The following SSH1 variants were observed in gnomAD, a reference collection of about 807,000 sequenced individuals.
SSH1 encodes slingshot protein phosphatase 1, also known as protein phosphatase Slingshot homolog 1.
SSH1 carries 43 observed loss-of-function variants against 79.7 expected under a neutral mutation model. The observed-to-expected ratio is 0.54, with a 90% confidence interval of 0.42 to 0.70. The LOEUF (loss-of-function observed/expected upper bound fraction) is 0.70, where lower values mean the gene tolerates loss of function less well. Among genes scored for constraint, SSH1 ranks in the 30% least tolerant of loss-of-function variants. The probability of loss-of-function intolerance (pLI) is 0.00; values close to 1 mark genes in which losing one functional copy is unlikely to be tolerated. For synonymous variants in SSH1, 599 were observed against 538.3 expected (o/e 1.11, Z -1.56); for missense variants, 1,206 against 1,358.8 (o/e 0.89, Z 1.77).
chr12:108,792,722 C>T lies in SSH1; in HGVS notation c.1457G>A (p.Gly486Asp). 1.9e-6 allele frequency: 3 copies of T among 1,613,676 alleles called. No homozygotes were observed. The Admixed American group carries it at 5.0e-5, about 27-fold the overall frequency. Residue 486 changes from glycine (G) to aspartate (D), a missense_variant, in exon 14 of 15, where the codon GGC becomes GAC. This residue lies in a region of SSH1 where 709 missense variants were observed against 730.6 expected (regional missense o/e 0.97). Coordinates refer to ENST00000326495, the MANE Select transcript of SSH1 (RefSeq NM_018984.4). The part of the protein sequence containing the change: ...PGDFLPETPD[G>D]TPESQLPFLD... The stretch of plus-strand genomic sequence containing the variant: ...GAAGGGCAGCTGGCTTTCCGGGGTG[C>T]CATCTGGGGTCTCTGGCAAGAAGTC...
chr12:108,837,885 C>T (rs1353126591), intron 2 of SSH1, among the ~76,000 whole-genome samples: 1 of 152,072 alleles, frequency 6.6e-6, no homozygotes, highest in East Asian at 1.9e-4. Flanking sequence ...CAGGCTCAAG[C>T]GATCCTTCCA....
At chr12:108,826,205 G>A (rs1251790667) in intron 2 of SSH1, 6 of 427,980 alleles carry the variant, frequency 1.4e-5, no homozygotes, top group Admixed American at 2.9e-5. Flanking sequence ...ATTTCCTTTG[G>A]AAAAAAAAAG....
intron 3 of SSH1, among the ~76,000 whole-genome samples, chr12:108,822,544 T>A (rs1249028327): frequency 6.6e-6 from 1 of 152,156 alleles, no homozygotes; most frequent in Non-Finnish European, 1.5e-5. Flanking sequence ...ACTCCTGGGC[T>A]CAAGCGATCC....
In SSH1 at chr12:108,807,933, A is replaced by G; in HGVS notation, c.537-106T>C. On this transcript the variant is annotated intron_variant, in intron 7 of 14. Coordinates refer to ENST00000326495, the MANE Select transcript of SSH1 (RefSeq NM_018984.4). The surrounding 1 kb of genome is among the most constrained non-coding windows in gnomAD (Gnocchi z 5.2). The stretch of plus-strand genomic sequence containing the variant: ...TACGGGAAGGGAAGGGCAATGATTG[A>G]TTGGTTGATTATTTCTTTTTGGGAC... The G allele has an allele frequency of 1.0e-6, 1 of 997,060 alleles. No homozygotes were observed. Among genetic ancestry groups the G allele is most frequent in the Non-Finnish European group, 1.5e-6 (1 of 648,618 alleles). 61.8% of individuals were successfully genotyped at this position (997,060 alleles called of 1,614,324 possible).
At chr12:108,826,649 T>C (rs2038321021) in intron 2 of SSH1, among the ~76,000 whole-genome samples, 1 of 152,156 alleles carries the variant, frequency 6.6e-6, no homozygotes, top group Non-Finnish European at 1.5e-5. Flanking sequence ...CTGAGCTCAC[T>C]CTGGGCCCAG....
chr12:108,779,405 A>T lies in SSH1; in HGVS notation c.*8583T>A, dbSNP rs923828656. ...ACTCATCTGCTTCCTTGCTGAAACC[A>T]CAAGGGAGATCAAGATGCATCTTTG... On this transcript the variant is annotated 3_prime_UTR_variant, in exon 15 of 15. Coordinates refer to ENST00000326495, the MANE Select transcript of SSH1 (RefSeq NM_018984.4). The T allele has an allele frequency of 2.0e-5, 3 of 152,178 alleles. No individual in the cohort carries two copies. The highest frequency in any genetic ancestry group is 4.4e-5 in the Non-Finnish European group (3 of 68,040). The allele number at this position is 152,178 out of a possible 1,614,324, so 9.4% of individuals were successfully genotyped here. A position where few individuals can be genotyped will look rare whatever the true frequency, so the allele number is the denominator to read the frequency against.
chr12:108,840,119 C>T (rs2038739769), intron 2 of SSH1, among the ~76,000 whole-genome samples: 1 of 152,234 alleles, frequency 6.6e-6, no homozygotes, highest in Non-Finnish European at 1.5e-5. Context: ...CCCCACACTG[C>T]AGGCTGGCCA....
chr12:108,809,864 A>G (rs886861504), intron 6 of SSH1, 106 bp from the exon 7 acceptor site: 4 of 918,726 alleles, frequency 4.4e-6, no homozygotes, highest in Admixed American at 1.7e-5. Context: ...GCTGGGAACA[A>G]GCACATCTCA....
chr12:108,846,816 C>T (rs963369789), intron 2 of SSH1, among the ~76,000 whole-genome samples: 2 of 152,158 alleles, frequency 1.3e-5, no homozygotes, highest in Admixed American at 1.3e-4. Flanking sequence ...TCTCCTCTGC[C>T]GTGAACTAAC....
intron 12 of SSH1, among the ~76,000 whole-genome samples, chr12:108,799,836 C>G (rs530565992): frequency 6.6e-6 from 1 of 152,122 alleles, no homozygotes; most frequent in Non-Finnish European, 1.5e-5. Context: ...AGATATGGCC[C>G]AGGAGACAGT....
chr12:108,812,590 A>G (rs1424960824), intron 5 of SSH1, among the ~76,000 whole-genome samples: 1 of 152,250 alleles, frequency 6.6e-6, no homozygotes, highest in Non-Finnish European at 1.5e-5. Flanking sequence ...CCCATGGGAA[A>G]TAAGGGGCAC....
chr12:108,841,284 G>A (rs544602498), intron 2 of SSH1, among the ~76,000 whole-genome samples: 3 of 152,322 alleles, frequency 2.0e-5, no homozygotes, highest in East Asian at 1.9e-4. Flanking sequence ...ACATGCATGC[G>A]TGCACGCTCA....
At chr12:108,844,250 C>T (rs1238581435) in intron 2 of SSH1, among the ~76,000 whole-genome samples, 2 of 151,938 alleles carry the variant, frequency 1.3e-5, no homozygotes, top group Admixed American at 1.3e-4. Flanking sequence ...GCCCATCCCT[C>T]CCTAAGTCCA....
Position 108,823,260 on chromosome 12 carries a change from G to T in SSH1, c.212C>A (p.Ala71Glu). The T allele has an allele frequency of 6.3e-7, 1 of 1,579,724 alleles. No individual in the cohort carries two copies. Among genetic ancestry groups the T allele is most frequent in the Non-Finnish European group, 8.6e-7 (1 of 1,161,308 alleles). Residue 71 changes from alanine to glutamate, a missense_variant and splice_region_variant, in exon 3 of 15, where the codon GCA (alanine) becomes GAA (glutamate). By Grantham distance (107) the Ala-to-Glu change is moderately radical. Coordinates refer to ENST00000326495, the MANE Select transcript of SSH1 (RefSeq NM_018984.4). Reference protein sequence around the residue: ...QRSLQHPHKHAGDLPQHLQVM... With the variant: ...QRSLQHPHKHEGDLPQHLQVM... The stretch of plus-strand genomic sequence containing the variant: ...GAGTATCAACTTAGAGCCCTCACCT[G>T]CATGCTTGTGGGGGTGCTGAAGACT...
chr12:108,823,395 G>A (rs762092974), intron 2 of SSH1, 34 bp from the exon 3 acceptor site: 48 of 1,520,432 alleles, frequency 3.2e-5, no homozygotes, highest in African/African-American at 1.1e-4. Context: ...CAGTTAGACC[G>A]GAATTCAGAC....
chr12:108,853,337 A>AT, intron 1 of SSH1: 4 of 985,298 alleles, frequency 4.1e-6, no homozygotes, highest in Non-Finnish European at 4.8e-6. Context: ...CCTATGACTT[A>AT]TTTTTATTTT....
intron 3 of SSH1, among the ~76,000 whole-genome samples, chr12:108,821,770 T>A (rs1432638752): frequency 6.6e-6 from 1 of 152,196 alleles, no homozygotes; most frequent in Non-Finnish European, 1.5e-5. Context: ...TCAACATCAG[T>A]ATGTGAAAAT....
intron 2 of SSH1, chr12:108,837,017 G>C (rs2038650580): frequency 2.1e-6 from 1 of 479,752 alleles, no homozygotes; most frequent in Non-Finnish European, 4.3e-6. Context: ...GATCACTTGA[G>C]GTCAGGGGTT....
intron 2 of SSH1, among the ~76,000 whole-genome samples, chr12:108,837,861 C>T (rs529540677): frequency 6.6e-6 from 1 of 152,218 alleles, no homozygotes; most frequent in Admixed American, 6.5e-5. Flanking sequence ...TCACGCAGCA[C>T]AGCCTCCACC....
Sources: allele counts gnomAD v4.1 joint callset (sites outside exome capture counted in the v4.1 genomes callset), GRCh38; gene constraint gnomAD v4.1.1; regional missense constraint gnomAD v4.1.1; non-coding constraint Gnocchi (gnomAD v3.1); transcripts MANE v1.5; gene names NCBI Gene and HGNC (gene_info 2026-07-23, HGNC 2026-07-21).